The following LRRC3B variants were observed in gnomAD, a reference collection of about 807,000 sequenced individuals.
The protein encoded by LRRC3B is leucine-rich repeat-containing protein 3B.
A neutral mutation model predicts 12.8 loss-of-function variants in LRRC3B; 2 were observed. The observed-to-expected ratio is 0.16, with a 90% CI of 0.06 to 0.49. LRRC3B has a LOEUF of 0.49. LRRC3B is among the 20% of genes least tolerant of loss of function. The pLI is 0.96. For missense variants in LRRC3B, 189 were observed against 319.4 expected (o/e 0.59, Z 3.11); for synonymous variants, 132 against 122.0 (o/e 1.08, Z -0.54).
intron 1 of LRRC3B, among the ~76,000 whole-genome samples, chr3:26,709,310 A>G (rs1422705885): frequency 1.3e-5 from 2 of 152,146 alleles, no homozygotes; most frequent in African/African-American, 4.8e-5. Context: ...ATATCTTCAT[A>G]TGTTCACAGT....
intron 1 of LRRC3B, among the ~76,000 whole-genome samples, chr3:26,662,964 G>A (rs1321833147): frequency 2.6e-5 from 4 of 152,120 alleles, no homozygotes; most frequent in Non-Finnish European, 4.4e-5. Context: ...TTACTCAGGA[G>A]GTGCCTTCTG....
At chr3:26,699,338 T>C (rs1182965518) in intron 1 of LRRC3B, among the ~76,000 whole-genome samples, 1 of 152,168 alleles carries the variant, frequency 6.6e-6, no homozygotes, top group African/African-American at 2.4e-5. Flanking sequence ...TTCACACATA[T>C]TTTATTGTCT....
chr3:26,676,170 T>C (rs1699856476), intron 1 of LRRC3B, among the ~76,000 whole-genome samples: 2 of 151,946 alleles, frequency 1.3e-5, no homozygotes, highest in South Asian at 2.1e-4. Context: ...GCCATGTTGG[T>C]GTGCTGCACC....
chr3:26,707,366 AAAAAAT>A (rs535443399), intron 1 of LRRC3B, among the ~76,000 whole-genome samples: 179 of 152,208 alleles, frequency 1.2e-3, no homozygotes, highest in African/African-American at 4.1e-3. Context: ...ATTCCATCTC[AAAAAAT>A]AAAAATAAAA....
intron 1 of LRRC3B, among the ~76,000 whole-genome samples, chr3:26,706,981 T>C (rs1700606203): frequency 6.6e-6 from 1 of 152,212 alleles, no homozygotes; most frequent in Non-Finnish European, 1.5e-5. Flanking sequence ...CGAAGCACTA[T>C]GCTGGGTGTT....
intron 1 of LRRC3B, among the ~76,000 whole-genome samples, chr3:26,634,053 C>T (rs756624849): frequency 3.9e-5 from 6 of 152,192 alleles, no homozygotes; most frequent in Admixed American, 6.5e-5. Context: ...CTTTCCACAG[C>T]AAAGTGGAGC....
At chr3:26,626,853 T>C (rs373671955) in intron 1 of LRRC3B, among the ~76,000 whole-genome samples, 8 of 152,230 alleles carry the variant, frequency 5.3e-5, no homozygotes, top group African/African-American at 1.9e-4. Context: ...TCTAATGATT[T>C]TAGCAGTCTT....
At chr3:26,648,030 C>T (rs1383986350) in intron 1 of LRRC3B, among the ~76,000 whole-genome samples, 1 of 151,410 alleles carries the variant, frequency 6.6e-6, no homozygotes. Context: ...TGATGAAGGA[C>T]AGAACTGATG....
At chr3:26,671,367 T>G (rs540995415) in intron 1 of LRRC3B, among the ~76,000 whole-genome samples, 1,112 of 40,104 alleles carry the variant, frequency 0.028, 26 homozygotes, top group East Asian at 0.081. Flanking sequence ...TATATATATA[T>G]ATATATAGAG....
rs75758075 is a variant in LRRC3B at position 26,632,511 on chromosome 3, C to T, written c.-161+9274C>T. Among the ~76,000 whole-genome samples the T allele has an allele frequency of 8.3e-4, 127 of 152,116 alleles. 1 individual carries two copies. The East Asian group carries it at 0.017, about 20-fold the overall frequency. On this transcript the variant is annotated intron_variant, in intron 1 of 1. Coordinates refer to ENST00000396641, the Ensembl canonical transcript of LRRC3B. Reference sequence around the variant, plus strand: ...CTGAACAGAAGCCATATCTGTATCTCGGGCGATGGCGAGACAAGATGGTGG... The same window carrying T: ...CTGAACAGAAGCCATATCTGTATCTTGGGCGATGGCGAGACAAGATGGTGG...
chr3:26,693,769 T>TA (rs199643170), intron 1 of LRRC3B, among the ~76,000 whole-genome samples: 1,577 of 152,332 alleles, frequency 0.01, 11 homozygotes, highest in Middle Eastern at 0.024. Flanking sequence ...CAAAGTCCTT[T>TA]AAAAAATTAC....
At position 26,678,893 on chromosome 3, in the gene LRRC3B, A is replaced by T. The variant is rs192153565; in HGVS notation, c.-160-30620A>T. On this transcript the variant is annotated intron_variant, in intron 1 of 1. Coordinates refer to ENST00000396641, the Ensembl canonical transcript of LRRC3B. ...TGTGTACCTTTTCTCTTTCTCATTT[A>T]AAAAAAAAGTGAAAACTGGAATTCC... Among the ~76,000 whole-genome samples the T allele has an allele frequency of 6.5e-3, 978 of 151,236 alleles. 15 individuals are homozygous for T. The highest frequency in any genetic ancestry group is 0.022 in the African/African-American group (929 of 41,294).
intron 1 of LRRC3B, among the ~76,000 whole-genome samples, chr3:26,647,111 T>C (rs1408073073): frequency 6.6e-6 from 1 of 152,146 alleles, no homozygotes; most frequent in Non-Finnish European, 1.5e-5. Flanking sequence ...GAACTTACAC[T>C]TCCTTCTACT....
chr3:26,673,392 G>C (rs1444644388), intron 1 of LRRC3B, among the ~76,000 whole-genome samples: 1 of 152,036 alleles, frequency 6.6e-6, no homozygotes, highest in Non-Finnish European at 1.5e-5. Flanking sequence ...TAGGTAGATG[G>C]GGAGAAAAAA....
At chr3:26,669,835 T>A (rs552676282) in intron 1 of LRRC3B, among the ~76,000 whole-genome samples, 10 of 152,316 alleles carry the variant, frequency 6.6e-5, no homozygotes, top group Admixed American at 4.6e-4. Flanking sequence ...TTTATTTTAG[T>A]TTATGTTGCT....
chr3:26,667,391 T>C (rs1303120878), intron 1 of LRRC3B, among the ~76,000 whole-genome samples: 1 of 152,176 alleles, frequency 6.6e-6, no homozygotes, highest in Non-Finnish European at 1.5e-5. Context: ...GAAAAAAAAT[T>C]GGCCTGCATT....
At chr3:26,707,199 G>GAA (rs34703302) in intron 1 of LRRC3B, among the ~76,000 whole-genome samples, 119 of 129,974 alleles carry the variant, frequency 9.2e-4, no homozygotes, top group South Asian at 2.0e-3. Flanking sequence ...TAAAAATACA[G>GAA]AAAAAAAAAA....
At chr3:26,623,892 GA>G (rs1698562758) in intron 1 of LRRC3B, 1 of 152,688 alleles carries the variant, frequency 6.5e-6, no homozygotes, top group South Asian at 2.1e-4. Context: ...CTCAGGGAGG[GA>G]AAGGCTGCTC....
intron 1 of LRRC3B, among the ~76,000 whole-genome samples, chr3:26,637,091 A>G (rs1310818592): frequency 6.7e-6 from 1 of 150,048 alleles, no homozygotes; most frequent in Non-Finnish European, 1.5e-5. Context: ...CCGCCTCTCG[A>G]GTTCAAGCAA....
Sources: allele counts gnomAD v4.1 joint callset (sites outside exome capture counted in the v4.1 genomes callset), GRCh38; gene constraint gnomAD v4.1.1; transcripts MANE v1.5; gene names NCBI Gene and HGNC (gene_info 2026-07-23, HGNC 2026-07-21).